Variants in PLXNB3 observed in about 807,000 individuals in gnomAD.
PLXNB3 encodes the protein plexin B3, also known as plexin-B3.
A neutral mutation model predicts 125.7 loss-of-function variants in PLXNB3; 80 were observed. That is an observed-to-expected ratio of 0.64 (90% CI 0.53 to 0.77). The LOEUF (loss-of-function observed/expected upper bound fraction) is 0.77, where lower values mean the gene tolerates loss of function less well. Among genes scored for constraint, PLXNB3 ranks in the 30% least tolerant of loss-of-function variants. The pLI is 0.00. For missense variants in PLXNB3, 1,836 were observed against 1,729.3 expected (o/e 1.06, Z -1.09); for synonymous variants, 954 against 783.3 (o/e 1.22, Z -3.64).
intron 6 of PLXNB3, 96 bp downstream of exon 6, chrX:153,769,358 C>G: frequency 5.8e-6 from 4 of 690,410 alleles, no homozygotes; most frequent in Non-Finnish European, 8.7e-6. Context: ...GGAGGCCAAC[C>G]CTGCCTGTTG....
chrX:153,772,979 A>G lies in PLXNB3; in HGVS notation c.2869A>G (p.Asn957Asp). The change falls in exon 17 of 36, where the codon AAC becomes GAC. Residue 957 changes from asparagine (N) to aspartate (D), a missense_variant. Coordinates refer to ENST00000361971, the MANE Select transcript of PLXNB3 (RefSeq NM_005393.3). Reference sequence around the variant, plus strand: ...AGGTCAGCACCTCCAGACAGGTGGCAACACCAGTGCCTTCGTGGGTGGCCA... The same window carrying G: ...AGGTCAGCACCTCCAGACAGGTGGCGACACCAGTGCCTTCGTGGGTGGCCA... Reference protein sequence around the residue: ...IRGQHLQTGGNTSAFVGGQPC... With the variant: ...IRGQHLQTGGDTSAFVGGQPC... 8.3e-7 allele frequency: 1 copy of G among 1,198,889 alleles called. No individual in the cohort carries two copies. Among genetic ancestry groups the G allele is most frequent in the East Asian group, 3.0e-5 (1 of 33,467 alleles).
chrX:153,768,359 C>T lies in PLXNB3; in HGVS notation c.1197C>T (p.Ala399=), dbSNP rs782593926. The T allele has an allele frequency of 1.4e-5, 17 of 1,210,620 alleles. No individual in the cohort carries two copies. The highest frequency in any genetic ancestry group is 6.5e-5 in the Admixed American group (3 of 46,108). ...TGAAGCTCGGGCAGCCGGTCAGCGCCGTGGCAGCTCTCCAGGCAGATGGGC... is the reference window on the plus strand; with the variant it reads ...TGAAGCTCGGGCAGCCGGTCAGCGCTGTGGCAGCTCTCCAGGCAGATGGGC... ...PLLKLGQPVS[A]VAALQADGHM... The change falls in exon 4 of 36, where the codon GCC becomes GCT. Residue 399 remains alanine, a synonymous_variant. Coordinates refer to ENST00000361971, the MANE Select transcript of PLXNB3 (RefSeq NM_005393.3).
At position 153,768,384 on chromosome X, in the gene PLXNB3, C is replaced by A. The variant is rs2091883394; in HGVS notation, c.1222C>A (p.His408Asn). ...CGTGGCAGCTCTCCAGGCAGATGGG[C>A]ACATGATAGCCTTCCTGGGGGACAC... ...SAVAALQADG[H>N]MIAFLGDTQG... Residue 408 changes from histidine to asparagine, a missense_variant, in exon 4 of 36, where the codon CAC becomes AAC. Coordinates refer to ENST00000361971, the MANE Select transcript of PLXNB3 (RefSeq NM_005393.3). The A allele has an allele frequency of 1.7e-6, 2 of 1,208,564 alleles. No individual in the cohort carries two copies. Among genetic ancestry groups the A allele is most frequent in the African/African-American group, 3.4e-5 (2 of 58,011 alleles).
rs782050059 is a variant in PLXNB3 at position 153,767,760 on chromosome X, G to A, written c.933G>A (p.Gln311=). Residue 311 remains glutamine (Q), a synonymous_variant, in exon 3 of 36, where the codon CAG becomes CAA. Coordinates refer to ENST00000361971, the MANE Select transcript of PLXNB3 (RefSeq NM_005393.3). ...GVFAAGPRGT[Q]AALCAFPMVE... is the part of the protein sequence containing the mutation. ...TTGCCGCGGGCCCAAGGGGCACCCA[G>A]GCGGCGCTCTGTGCCTTCCCCATGG... 4 of 1,172,472 alleles carry A rather than the reference G, an allele frequency of 3.4e-6. No individual in the cohort carries two copies. In the South Asian group the frequency reaches 5.7e-5, roughly 17 times the overall value.
At chrX:153,772,375 G>T in intron 16 of PLXNB3, 88 bp downstream of exon 16, 2 of 681,610 alleles carry the variant, frequency 2.9e-6, no homozygotes, top group Non-Finnish European at 4.5e-6. Flanking sequence ...TGTCAAGCTG[G>T]GTCTGCGGGG....
At chrX:153,778,736 G>C in intron 35 of PLXNB3, 62 bp downstream of exon 35, 1 of 1,126,996 alleles carries the variant, frequency 8.9e-7, no homozygotes, top group Non-Finnish European at 1.2e-6. Flanking sequence ...GGACCCTCCC[G>C]GGGGAGCAGG....
chrX:153,764,576 G>T (rs920172984), intron 1 of PLXNB3, among the ~76,000 whole-genome samples: 5 of 112,975 alleles, frequency 4.4e-5, no homozygotes, highest in African/African-American at 1.3e-4. Flanking sequence ...GAGGCTGCCC[G>T]CCTGGCTCCC....
At chrX:153,765,403 A>C in intron 1 of PLXNB3, 68 bp from the exon 2 acceptor site, 2 of 850,635 alleles carry the variant, frequency 2.4e-6, no homozygotes, top group Non-Finnish European at 3.3e-6. Flanking sequence ...CGCCACCCCC[A>C]CCGCCGCCCC....
rs1418129228 is a variant in PLXNB3, at chrX:153,767,565, C to T, written c.738C>T (p.Phe246=). ...TTGCCGACGCCCGCTCCGCCTACTTCGTGTTCCGCCGCCGCGGGGCCCGGG... is the reference window on the plus strand; with the variant it reads ...TTGCCGACGCCCGCTCCGCCTACTTTGTGTTCCGCCGCCGCGGGGCCCGGG... ...GAFADARSAY[F]VFRRRGARAQ... Residue 246 remains phenylalanine, a synonymous_variant, in exon 3 of 36, where the codon TTC becomes TTT. Coordinates refer to ENST00000361971, the MANE Select transcript of PLXNB3 (RefSeq NM_005393.3). The T allele has an allele frequency of 1.4e-5, 16 of 1,172,619 alleles. No homozygotes were observed. The highest frequency in any genetic ancestry group is 3.0e-5 in the East Asian group (1 of 32,926).
In PLXNB3 at chrX:153,767,899, G is replaced by T; in HGVS notation, c.1072G>T (p.Val358Phe). Residue 358 changes from valine (V) to phenylalanine (F), a missense_variant, in exon 3 of 36, where the codon GTC (valine) becomes TTC (phenylalanine). Coordinates refer to ENST00000361971, the MANE Select transcript of PLXNB3 (RefSeq NM_005393.3). ...TVEYGVTSRC[V>F]TLPLDSPESY... ...GGAGTACGGCGTCACGTCGCGCTGC[G>T]TCACCCTGCCCCTTGTGAGTGGCAT... 1 of 1,098,832 alleles carries T rather than the reference G, an allele frequency of 9.1e-7. No homozygotes were observed. 90.6% of individuals were successfully genotyped at this position (1,098,832 alleles called of 1,213,427 possible). A position where few individuals can be genotyped will look rare whatever the true frequency, so the allele number is the denominator to read the frequency against.
Position 153,777,666 on chromosome X carries a change from C to A in PLXNB3, c.5239C>A (p.Leu1747Met). The change falls in exon 31 of 36, where the codon CTG becomes ATG. Residue 1747 changes from leucine (L) to methionine (M), a missense_variant. By Grantham distance (15) the Leu-to-Met change is conservative. Coordinates refer to ENST00000361971, the MANE Select transcript of PLXNB3 (RefSeq NM_005393.3). ...EKHGIEDPGT[L>M]HIWKTNSLLL... ...GCACGGCATCGAGGACCCAGGGACCCTGCACATCTGGAAGACCAACAGGTG... is the reference window on the plus strand; with the variant it reads ...GCACGGCATCGAGGACCCAGGGACCATGCACATCTGGAAGACCAACAGGTG... 1 of 1,211,679 alleles carries A rather than the reference C, an allele frequency of 8.3e-7. No individual in the cohort carries two copies. Among genetic ancestry groups the A allele is most frequent in the Non-Finnish European group, 1.1e-6 (1 of 895,251 alleles).
rs782116446 is a variant in PLXNB3, at chrX:153,778,929, G to C, written c.5626-6G>C. ...CTCAGACAGGCACCCTCCTCTGCCCGGGCAGATTATCAGTGCCCTGGAGGA... is the reference window on the plus strand; with the variant it reads ...CTCAGACAGGCACCCTCCTCTGCCCCGGCAGATTATCAGTGCCCTGGAGGA... On this transcript the variant is annotated splice_polypyrimidine_tract_variant and splice_region_variant and intron_variant, in intron 35 of 35. Coordinates refer to ENST00000361971, the MANE Select transcript of PLXNB3 (RefSeq NM_005393.3). The C allele has an allele frequency of 1.9e-5, 22 of 1,157,183 alleles. No individual in the cohort carries two copies. Among genetic ancestry groups the C allele is most frequent in the Non-Finnish European group, 2.4e-5 (21 of 867,861 alleles).
intron 10 of PLXNB3, 22 bp downstream of exon 10, chrX:153,770,664 G>A (rs1430894560): frequency 8.3e-7 from 1 of 1,207,144 alleles, no homozygotes; most frequent in Non-Finnish European, 1.1e-6. Flanking sequence ...CGAACTTCGG[G>A]CAGAGACAGG....
intron 22 of PLXNB3, 37 bp downstream of exon 22, chrX:153,774,608 G>A (rs781902969): frequency 8.5e-6 from 10 of 1,171,510 alleles, no homozygotes; most frequent in East Asian, 3.0e-5. Context: ...TTCCCTCCTC[G>A]CCATTGGCAA....
Position 153,773,635 on chromosome X carries a change from C to T in PLXNB3, c.3201C>T (p.Asp1067=). Residue 1067 remains aspartate, a synonymous_variant, in exon 19 of 36, where the codon GAC becomes GAT. Transcript: ENST00000361971. ...AGGCTTCCAGGGCCCAGCCCCAGGA[C>T]CCACAGCCAAGGAGGAGCTGTGGAG... ...EVQASRAQPQ[D]PQPRRSCGAP... The T allele has an allele frequency of 1.7e-6, 2 of 1,200,069 alleles. No individual in the cohort carries two copies. Among genetic ancestry groups the T allele is most frequent in the African/African-American group, 3.5e-5 (2 of 57,698 alleles).
At chrX:153,778,213 C>A in intron 32 of PLXNB3, 48 bp from the exon 33 acceptor site, 2 of 1,198,007 alleles carry the variant, frequency 1.7e-6, no homozygotes, top group Non-Finnish European at 2.3e-6. Context: ...CATGGGGGCA[C>A]CTTCACCTCC....
In PLXNB3 at chrX:153,774,959, C is replaced by G. The variant is rs367867412; in HGVS notation, c.4011C>G (p.Ala1337=). 8.4e-7 allele frequency: 1 copy of G among 1,192,711 alleles called. No individual in the cohort carries two copies. The highest frequency in any genetic ancestry group is 3.0e-5 in the East Asian group (1 of 33,624). Reference sequence around the variant, plus strand: ...CCTTCCTGGACTACCGCACCTACGCCGAGCGCGCCTTCTTCCCTGGCCATG... The same window carrying G: ...CCTTCCTGGACTACCGCACCTACGCGGAGCGCGCCTTCTTCCCTGGCCATG... ...GIPFLDYRTY[A]ERAFFPGHGG... The change falls in exon 24 of 36, where the codon GCC becomes GCG. Residue 1337 remains alanine (A), a synonymous_variant. Coordinates refer to ENST00000361971, the MANE Select transcript of PLXNB3 (RefSeq NM_005393.3).
At chrX:153,772,841 G>A in intron 16 of PLXNB3, 45 bp from the exon 17 acceptor site, 1 of 1,072,025 alleles carries the variant, frequency 9.3e-7, no homozygotes, top group Admixed American at 4.1e-5. Flanking sequence ...GGGTGAAAGG[G>A]CCAGGCTGGG....
At position 153,770,185 on chromosome X, in the gene PLXNB3, G is replaced by A. The variant is rs1222442058; in HGVS notation, c.1723G>A (p.Gly575Arg). The change falls in exon 8 of 36, where the codon GGG (glycine) becomes AGG (arginine). Residue 575 changes from glycine to arginine, a missense_variant. Coordinates refer to ENST00000361971, the MANE Select transcript of PLXNB3 (RefSeq NM_005393.3). ...GDYDSLAHVE[G>R]PHVACVTPPQ... is the part of the protein sequence containing the mutation. Reference sequence around the variant, plus strand: ...CTATGACAGCTTGGCTCATGTGGAAGGGCCCCACGTGGCCTGTGTCACCCC... The same window carrying A: ...CTATGACAGCTTGGCTCATGTGGAAAGGCCCCACGTGGCCTGTGTCACCCC... 2.5e-6 allele frequency: 3 copies of A among 1,211,208 alleles called. No homozygotes were observed. The highest frequency in any genetic ancestry group is 3.4e-6 in the Non-Finnish European group (3 of 895,402).
Sources: allele counts gnomAD v4.1 joint callset (sites outside exome capture counted in the v4.1 genomes callset), GRCh38; gene constraint gnomAD v4.1.1; transcripts MANE v1.5; gene names NCBI Gene and HGNC (gene_info 2026-07-23, HGNC 2026-07-21).